TMEM132B: variants seen among roughly 807,000 people sequenced by gnomAD.
TMEM132B encodes the protein transmembrane protein 132B.
In TMEM132B, 18 loss-of-function variants were observed where a neutral mutation model predicts 90.8. That is an observed-to-expected ratio of 0.20 (90% CI 0.14 to 0.29). TMEM132B has a LOEUF of 0.29. Among genes scored for constraint, TMEM132B ranks in the 10% least tolerant of loss-of-function variants. The pLI, the probability that TMEM132B is intolerant of heterozygous loss-of-function variation, is 1.00. For missense variants in TMEM132B, 1,096 were observed against 1,326.8 expected (o/e 0.83, Z 2.70); for synonymous variants, 504 against 523.3 (o/e 0.96, Z 0.50).
chr12:125,566,266 A>T lies in TMEM132B; in HGVS notation c.1294-17585A>T, dbSNP rs184314685. On this transcript the variant is annotated intron_variant, in intron 4 of 8. Coordinates refer to ENST00000682704, the MANE Select transcript of TMEM132B (RefSeq NM_001366854.1). ...TTTCCTCTGAACAAATATTTATTGA[A>T]TTGCAGATATTGGGGGTATAGTCCC... 4.2e-3 allele frequency among the ~76,000 whole-genome samples: 641 copies of T among 152,302 alleles called. 2 individuals carry two copies. Among genetic ancestry groups the T allele is most frequent in the Non-Finnish European group, 7.0e-3 (476 of 68,026 alleles).
At chr12:125,516,607 A>T (rs1883168921) in intron 3 of TMEM132B, among the ~76,000 whole-genome samples, 1 of 152,232 alleles carries the variant, frequency 6.6e-6, no homozygotes, top group African/African-American at 2.4e-5. Flanking sequence ...AGAAGGGCTG[A>T]TCATCTTATG....
intron 4 of TMEM132B, among the ~76,000 whole-genome samples, chr12:125,578,535 G>A (rs1884984288): frequency 6.6e-6 from 1 of 152,002 alleles, no homozygotes; most frequent in African/African-American, 2.4e-5. Context: ...ATTTACTGGT[G>A]CTCTCTATAC....
At chr12:125,479,070 T>A (rs1185925622) in intron 3 of TMEM132B, among the ~76,000 whole-genome samples, 1 of 152,178 alleles carries the variant, frequency 6.6e-6, no homozygotes, top group African/African-American at 2.4e-5. Context: ...CTGAGAGATT[T>A]TGTCACCACC....
At position 125,553,435 on chromosome 12, in the gene TMEM132B, G is replaced by A. The variant is rs761747452; in HGVS notation, c.1294-30416G>A. On this transcript the variant is annotated intron_variant, in intron 4 of 8. Transcript: ENST00000682704. The stretch of plus-strand genomic sequence containing the variant: ...ATGTGATTGCAGTTGTGGCAAGTGC[G>A]CTACCAGGCCTGTCTGGGGTGTTAG... Among the ~76,000 whole-genome samples, 6 of 152,300 alleles carry A rather than the reference G, an allele frequency of 3.9e-5. No individual in the cohort carries two copies. The East Asian group carries it at 7.7e-4, about 20-fold the overall frequency.
At chr12:125,405,106 C>T (rs147907407) in intron 2 of TMEM132B, among the ~76,000 whole-genome samples, 12 of 152,204 alleles carry the variant, frequency 7.9e-5, no homozygotes, top group Non-Finnish European at 1.5e-4. Flanking sequence ...TGGCCACAAA[C>T]GCGATAGTGT....
At chr12:125,409,571 TGAGTGGAGTGGAGTG>T (rs139454581) in intron 2 of TMEM132B, among the ~76,000 whole-genome samples, 1 of 119,676 alleles carries the variant, frequency 8.4e-6, no homozygotes, top group African/African-American at 3.8e-5. Context: ...TGGAGTGGAG[TGAGTGGAGTGGAGTG>T]GAGTGGAGTG....
intron 1 of TMEM132B, among the ~76,000 whole-genome samples, chr12:125,212,538 C>CA (rs1233562765): frequency 2.0e-5 from 3 of 151,880 alleles, no homozygotes; most frequent in South Asian, 2.1e-4. Flanking sequence ...ACTAAAAATA[C>CA]AAAAAATTAG....
chr12:125,453,935 G>T (rs1313188617), intron 3 of TMEM132B, among the ~76,000 whole-genome samples: 1 of 152,068 alleles, frequency 6.6e-6, no homozygotes, highest in Non-Finnish European at 1.5e-5. Flanking sequence ...ATTACTGTTT[G>T]GGCAGCTTGT....
At chr12:125,597,687 G>A (rs914386774) in intron 5 of TMEM132B, among the ~76,000 whole-genome samples, 2 of 152,168 alleles carry the variant, frequency 1.3e-5, no homozygotes, top group Non-Finnish European at 1.5e-5. Flanking sequence ...AGCTTCATAA[G>A]AGACAGAGAT....
At chr12:125,582,700 A>G (rs1885081437) in intron 4 of TMEM132B, among the ~76,000 whole-genome samples, 1 of 152,208 alleles carries the variant, frequency 6.6e-6, no homozygotes, top group African/African-American at 2.4e-5. Context: ...AACTTACTGT[A>G]ACAGCTGGAT....
intron 2 of TMEM132B, among the ~76,000 whole-genome samples, chr12:125,363,726 C>T (rs1878034289): frequency 6.6e-6 from 1 of 152,134 alleles, no homozygotes; most frequent in South Asian, 2.1e-4. Flanking sequence ...CATGAGGAAA[C>T]TGAGGCTTAG....
At chr12:125,373,496 C>A (rs1406664138) in intron 2 of TMEM132B, among the ~76,000 whole-genome samples, 1 of 152,166 alleles carries the variant, frequency 6.6e-6, no homozygotes, top group African/African-American at 2.4e-5. Flanking sequence ...AAGAAACCAG[C>A]CATGCAAACA....
intron 4 of TMEM132B, among the ~76,000 whole-genome samples, chr12:125,557,804 G>A (rs904583629): frequency 1.3e-5 from 2 of 152,300 alleles, no homozygotes; most frequent in Non-Finnish European, 2.9e-5. Flanking sequence ...GGCTGTCCGA[G>A]TGGCTAATTT....
At chr12:125,633,611 C>T (rs1178129009) in intron 5 of TMEM132B, among the ~76,000 whole-genome samples, 1 of 152,238 alleles carries the variant, frequency 6.6e-6, no homozygotes, top group Non-Finnish European at 1.5e-5. Flanking sequence ...GTGTTGTGAT[C>T]TAAGCTGTAT....
At position 125,209,530 on chromosome 12, in the gene TMEM132B, C is replaced by G. The variant is rs781728544; in HGVS notation, c.67+22664C>G. 6.6e-6 allele frequency among the ~76,000 whole-genome samples: 1 copy of G among 152,168 alleles called. No individual in the cohort carries two copies. Among genetic ancestry groups the G allele is most frequent in the Non-Finnish European group, 1.5e-5 (1 of 68,036 alleles). On this transcript the variant is annotated intron_variant, in intron 1 of 8. Coordinates refer to ENST00000682704, the MANE Select transcript of TMEM132B (RefSeq NM_001366854.1). This position sits in a 1 kb window ranked among gnomAD's most constrained non-coding sequence, Gnocchi z 4.4. ...TGCTTGAGGGACTGACGGCAGGGAC[C>G]CTGCCACCCCGTTTCCTTTGTTCCT... is the stretch of plus-strand genomic sequence containing the variant.
intron 1 of TMEM132B, among the ~76,000 whole-genome samples, chr12:125,307,647 C>G (rs1204580828): frequency 6.7e-6 from 1 of 148,628 alleles, no homozygotes; most frequent in Non-Finnish European, 1.5e-5. Context: ...CATCCCAAGC[C>G]CCACGTCTCT....
intron 1 of TMEM132B, among the ~76,000 whole-genome samples, chr12:125,214,802 C>G (rs1873397999): frequency 6.6e-6 from 1 of 152,248 alleles, no homozygotes; most frequent in Non-Finnish European, 1.5e-5. Context: ...GCTGCAACAT[C>G]TGGACTTCCC....
chr12:125,470,745 G>T (rs182444700), intron 3 of TMEM132B, among the ~76,000 whole-genome samples: 2 of 152,164 alleles, frequency 1.3e-5, no homozygotes, highest in Non-Finnish European at 2.9e-5. Flanking sequence ...CTCCTGGGGG[G>T]TTTGCCTCAC....
intron 1 of TMEM132B, among the ~76,000 whole-genome samples, chr12:125,328,985 C>T (rs572809228): frequency 6.6e-6 from 1 of 152,232 alleles, no homozygotes; most frequent in African/African-American, 2.4e-5. Flanking sequence ...ACTGAATGAA[C>T]CCTGTTATGG....
Sources: allele counts gnomAD v4.1 joint callset (sites outside exome capture counted in the v4.1 genomes callset), GRCh38; gene constraint gnomAD v4.1.1; non-coding constraint Gnocchi (gnomAD v3.1); transcripts MANE v1.5; gene names NCBI Gene and HGNC (gene_info 2026-07-23, HGNC 2026-07-21).